The following ERC1 variants were observed in gnomAD, a reference collection of about 807,000 sequenced individuals.
The protein encoded by ERC1 is RAB6 interacting protein 2.
Under a neutral mutation model 132.0 loss-of-function variants are expected in ERC1, and 56 were observed. That is an observed-to-expected ratio of 0.42 (90% confidence interval 0.34 to 0.53). The LOEUF is 0.53. Among genes scored for constraint, ERC1 ranks in the 20% least tolerant of loss-of-function variants. The pLI is 0.03. For synonymous variants in ERC1, 478 were observed against 476.1 expected (o/e 1.00, Z -0.05); for missense variants, 1,202 against 1,349.9 (o/e 0.89, Z 1.72).
At chr12:1,091,819 C>T (rs796996912) in intron 3 of ERC1, among the ~76,000 whole-genome samples, 1 of 152,206 alleles carries the variant, frequency 6.6e-6, no homozygotes, top group East Asian at 1.9e-4. Flanking sequence ...AGGAATTTAA[C>T]TGCTGTAATC....
intron 4 of ERC1, among the ~76,000 whole-genome samples, chr12:1,106,384 G>A (rs1355689803): frequency 6.6e-6 from 1 of 152,144 alleles, no homozygotes; most frequent in Admixed American, 6.5e-5. Context: ...TCAATACTGT[G>A]TTTTGCATTG....
At chr12:1,330,924 A>G (rs1312226318) in intron 15 of ERC1, among the ~76,000 whole-genome samples, 1 of 152,020 alleles carries the variant, frequency 6.6e-6, no homozygotes, top group Non-Finnish European at 1.5e-5. Context: ...CAATTCACTG[A>G]TTCTGTCTTC....
At chr12:1,029,267 A>G (rs1225957021) in intron 2 of ERC1, among the ~76,000 whole-genome samples, 1 of 152,076 alleles carries the variant, frequency 6.6e-6, no homozygotes, top group Non-Finnish European at 1.5e-5. Context: ...CAGGAGAATC[A>G]CGTAAACCTG....
rs2093247295 is a variant in ERC1, at chr12:1,444,479, A to G, written c.3025-83A>G. On this transcript the variant is annotated intron_variant, in intron 17 of 18. Coordinates refer to ENST00000360905, the MANE Select transcript of ERC1 (RefSeq NM_178040.4). Reference sequence around the variant, plus strand: ...GTCAATTTTCTTTGACTTGGAAAGCATAAAGAATATTTGAACCTCTCATTT... The same window carrying G: ...GTCAATTTTCTTTGACTTGGAAAGCGTAAAGAATATTTGAACCTCTCATTT... 1.9e-5 allele frequency: 18 copies of G among 944,206 alleles called. No individual in the cohort carries two copies. In the South Asian group the frequency reaches 3.1e-4, roughly 16 times the overall value. 58.5% of individuals were successfully genotyped at this position (944,206 alleles called of 1,614,324 possible). A position where few individuals can be genotyped will look rare whatever the true frequency, so the allele number is the denominator to read the frequency against.
At chr12:1,412,214 T>G (rs2091891829) in intron 17 of ERC1, among the ~76,000 whole-genome samples, 1 of 152,226 alleles carries the variant, frequency 6.6e-6, no homozygotes, top group Admixed American at 6.5e-5. Flanking sequence ...CTTCTCCTGT[T>G]TCCTCACTAA....
At chr12:1,449,554 C>A (rs1403192878) in intron 18 of ERC1, among the ~76,000 whole-genome samples, 1 of 152,082 alleles carries the variant, frequency 6.6e-6, no homozygotes, top group Non-Finnish European at 1.5e-5. Flanking sequence ...CTGTCTCCTG[C>A]CACCATGATT....
chr12:1,232,762 G>C (rs1435275684), intron 12 of ERC1, among the ~76,000 whole-genome samples: 1 of 151,726 alleles, frequency 6.6e-6, no homozygotes, highest in East Asian at 1.9e-4. Flanking sequence ...GTCTCATTGA[G>C]CTTCTTTAGG....
At chr12:1,365,535 C>T (rs1175663370) in intron 15 of ERC1, among the ~76,000 whole-genome samples, 1 of 152,144 alleles carries the variant, frequency 6.6e-6, no homozygotes. Flanking sequence ...GACAAAGATC[C>T]TGTCTTTGTG....
At chr12:1,375,702 G>A (rs1467153876) in intron 16 of ERC1, among the ~76,000 whole-genome samples, 1 of 151,254 alleles carries the variant, frequency 6.6e-6, no homozygotes, top group African/African-American at 2.4e-5. Flanking sequence ...CATTGAGGGA[G>A]GGGTAGTCTC....
intron 13 of ERC1, among the ~76,000 whole-genome samples, chr12:1,238,050 A>T (rs762555255): frequency 1.4e-4 from 22 of 152,196 alleles, no homozygotes; most frequent in Non-Finnish European, 2.4e-4. Flanking sequence ...TAGAAAAAGT[A>T]TAAATTTCCT....
At chr12:1,105,221 A>T (rs933228053) in intron 4 of ERC1, among the ~76,000 whole-genome samples, 9 of 152,220 alleles carry the variant, frequency 5.9e-5, no homozygotes, top group African/African-American at 2.2e-4. Flanking sequence ...AAAATACTGA[A>T]TTCAGTTTAC....
intron 15 of ERC1, among the ~76,000 whole-genome samples, chr12:1,353,062 G>A (rs2085171761): frequency 1.5e-5 from 2 of 136,380 alleles, no homozygotes; most frequent in African/African-American, 2.8e-5. Flanking sequence ...ATGGAGTCTC[G>A]CTTTATCACT....
chr12:1,447,793 G>A (rs1238221467), intron 18 of ERC1, among the ~76,000 whole-genome samples: 2 of 151,844 alleles, frequency 1.3e-5, no homozygotes, highest in African/African-American at 4.8e-5. Context: ...GGAACTACAG[G>A]CGCGCGCCAC....
intron 15 of ERC1, among the ~76,000 whole-genome samples, chr12:1,366,216 T>TA (rs1043564040): frequency 6.6e-6 from 1 of 151,932 alleles, no homozygotes; most frequent in African/African-American, 2.4e-5. Context: ...TTATCACAAC[T>TA]AAAAAAAACC....
At chr12:1,298,182 T>A (rs1181991006) in intron 15 of ERC1, among the ~76,000 whole-genome samples, 1 of 152,150 alleles carries the variant, frequency 6.6e-6, no homozygotes, top group Non-Finnish European at 1.5e-5. Flanking sequence ...CTAAATAGAC[T>A]TTGATAAGGT....
At chr12:1,245,052 A>G (rs2076077028) in intron 13 of ERC1, 1 of 152,394 alleles carries the variant, frequency 6.6e-6, no homozygotes, top group Non-Finnish European at 1.5e-5. Context: ...ACAGTTTGCC[A>G]GAGAGCAGTA....
chr12:1,045,204 G>A (rs1418368857), intron 2 of ERC1, among the ~76,000 whole-genome samples: 1 of 151,998 alleles, frequency 6.6e-6, no homozygotes, highest in Non-Finnish European at 1.5e-5. Context: ...TACATGATAA[G>A]TGTATGTCAC....
At chr12:1,204,705 G>C (rs1957202263) in intron 12 of ERC1, among the ~76,000 whole-genome samples, 1 of 152,162 alleles carries the variant, frequency 6.6e-6, no homozygotes, top group Admixed American at 6.5e-5. Context: ...AAAAGGTAGT[G>C]TGAGTAGTCA....
chr12:1,337,224 G>C (rs1342753265), intron 15 of ERC1, among the ~76,000 whole-genome samples: 1 of 151,976 alleles, frequency 6.6e-6, no homozygotes, highest in African/African-American at 2.4e-5. Flanking sequence ...CTGAATCCGG[G>C]TGCTCCTGTG....
Sources: allele counts gnomAD v4.1 joint callset (sites outside exome capture counted in the v4.1 genomes callset), GRCh38; gene constraint gnomAD v4.1.1; transcripts MANE v1.5; gene names NCBI Gene and HGNC (gene_info 2026-07-23, HGNC 2026-07-21).